The following LARP4 variants were observed in gnomAD, a reference collection of about 807,000 sequenced individuals.
The protein encoded by LARP4 is la-related protein 4.
In LARP4, 29 loss-of-function variants were observed where a neutral mutation model predicts 92.9. The ratio of observed to expected loss-of-function variants is 0.31; its 90% CI spans 0.23 to 0.43. The LOEUF (loss-of-function observed/expected upper bound fraction) is 0.43, where lower values mean the gene tolerates loss of function less well. Ranked by LOEUF, LARP4 falls within the 20% of genes least tolerant of loss-of-function variation. The pLI is 1.00. For synonymous variants in LARP4, 279 were observed against 284.1 expected, an observed-to-expected ratio of 0.98 and a Z score of 0.18; for missense variants, 732 against 860.0, an observed-to-expected ratio of 0.85 and a Z score of 1.86.
intron 1 of LARP4, among the ~76,000 whole-genome samples, chr12:50,422,388 C>CT (rs1280266665): frequency 3.9e-5 from 6 of 152,142 alleles, no homozygotes; most frequent in Non-Finnish European, 8.8e-5. Flanking sequence ...TTTTTCCACT[C>CT]TATTATGTGA....
chr12:50,472,953 G>A (rs928382053), intron 13 of LARP4, among the ~76,000 whole-genome samples: 1 of 151,852 alleles, frequency 6.6e-6, no homozygotes, highest in Non-Finnish European at 1.5e-5. Context: ...CTCCCAAGTA[G>A]CTGAGATTAC....
At chr12:50,446,451 G>A (rs1416974966) in intron 8 of LARP4, among the ~76,000 whole-genome samples, 1 of 100,618 alleles carries the variant, frequency 9.9e-6, no homozygotes, top group Non-Finnish European at 1.9e-5. Flanking sequence ...TTTTATAGAC[G>A]GAGTCTCGCT....
Position 50,461,182 on chromosome 12 carries a change from A to T in LARP4, c.1169A>T (p.Glu390Val). ...TCTGGTGGTTCAGAACACTCAACAG[A>T]GGGCTCTGTATCCTTGGGGGATGGA... is the stretch of plus-strand genomic sequence containing the variant. ...RSSGGSEHSTEGSVSLGDGQL... is the reference protein window; with the variant it reads ...RSSGGSEHSTVGSVSLGDGQL... Residue 390 changes from glutamate to valine, a missense_variant, in exon 11 of 16, where the codon GAG becomes GTG. Glu to Val is a moderately radical substitution (Grantham distance 121, BLOSUM62 -2). This residue lies in a region of LARP4 where 264 missense variants were observed against 269.5 expected (regional missense o/e 0.98). Coordinates refer to ENST00000398473, the MANE Select transcript of LARP4 (RefSeq NM_052879.5). 6.2e-7 allele frequency: 1 copy of T among 1,614,132 alleles called. No homozygotes were observed. Among genetic ancestry groups the T allele is most frequent in the Non-Finnish European group, 8.5e-7 (1 of 1,180,024 alleles).
chr12:50,462,512 G>C, intron 11 of LARP4, 70 bp from the exon 12 acceptor site: 1 of 876,284 alleles, frequency 1.1e-6, no homozygotes, highest in Non-Finnish European at 1.8e-6. Flanking sequence ...TTGATAGAAT[G>C]TATATATCTG....
At chr12:50,453,154 A>G (rs1953570461) in intron 8 of LARP4, among the ~76,000 whole-genome samples, 1 of 147,538 alleles carries the variant, frequency 6.8e-6, no homozygotes, top group Admixed American at 6.9e-5. Context: ...GGCTCATGCG[A>G]TCCTACCCCC....
chr12:50,460,146 A>G (rs951559601), intron 10 of LARP4, among the ~76,000 whole-genome samples: 4 of 152,090 alleles, frequency 2.6e-5, no homozygotes, highest in African/African-American at 7.2e-5. Context: ...CCAAAAAAAA[A>G]AAAAAGAAGA....
rs554851453 is a variant in LARP4, at chr12:50,461,436, G to A, written c.1334+89G>A. On this transcript the variant is annotated intron_variant, in intron 11 of 15. Coordinates refer to ENST00000398473, the MANE Select transcript of LARP4 (RefSeq NM_052879.5). ...CATGATCTTCATAATAATTAAATGAGCATTTAATTATTGGTATATGGTTAT... is the reference window on the plus strand; with the variant it reads ...CATGATCTTCATAATAATTAAATGAACATTTAATTATTGGTATATGGTTAT... 2.2e-5 allele frequency: 26 copies of A among 1,180,652 alleles called. No homozygotes were observed. The African/African-American group carries it at 2.9e-4, about 13-fold the overall frequency. 73.1% of individuals were successfully genotyped at this position (1,180,652 alleles called of 1,614,324 possible).
intron 1 of LARP4, among the ~76,000 whole-genome samples, chr12:50,406,362 G>T (rs1565925026): frequency 6.6e-6 from 1 of 150,392 alleles, no homozygotes; most frequent in Non-Finnish European, 1.5e-5. Flanking sequence ...GGTGGCATGT[G>T]TTGTGGTCCC....
intron 1 of LARP4, among the ~76,000 whole-genome samples, chr12:50,422,781 A>ATAT (rs145036648): frequency 0.092 from 12,800 of 138,468 alleles, 597 homozygotes; most frequent in Non-Finnish European, 0.12. Context: ...TTGGGAAATT[A>ATAT]TATTATTATT....
At chr12:50,475,491 T>C (rs770147467) in intron 15 of LARP4, 35 bp from the exon 16 acceptor site, 1 of 1,462,434 alleles carries the variant, frequency 6.8e-7, no homozygotes. Context: ...AAAGAATGTG[T>C]ACCATAAATG....
At position 50,412,279 on chromosome 12, in the gene LARP4, T is replaced by TC. The variant is rs557606405; in HGVS notation, c.18+11258dup. 7.4e-5 allele frequency: 13 copies of TC among 176,546 alleles called. No individual in the cohort carries two copies. The East Asian group carries it at 1.7e-3, about 23-fold the overall frequency. 10.9% of individuals were successfully genotyped at this position (176,546 alleles called of 1,614,324 possible). A position where few individuals can be genotyped will look rare whatever the true frequency, so the allele number is the denominator to read the frequency against. ...GGAAGAAATGACAGGTGTTTTTTTT[T>TC]CCCCCCCTAAGTACTTGTAACTTAG... On this transcript the variant is annotated intron_variant, in intron 1 of 15. Transcript: ENST00000398473.
At chr12:50,440,070 T>G (rs2137587102) in intron 6 of LARP4, among the ~76,000 whole-genome samples, 1 of 152,330 alleles carries the variant, frequency 6.6e-6, no homozygotes, top group East Asian at 1.9e-4. Context: ...CACTAAGCAT[T>G]TAGCTTGCCA....
At chr12:50,428,906 T>C (rs1949218354) in intron 2 of LARP4, 29 bp from the exon 3 acceptor site, 1 of 1,516,340 alleles carries the variant, frequency 6.6e-7, no homozygotes. Context: ...ATAATTCCCA[T>C]TTACTTTCAG....
chr12:50,418,763 G>T (rs1947263013), intron 1 of LARP4, among the ~76,000 whole-genome samples: 1 of 152,132 alleles, frequency 6.6e-6, no homozygotes, highest in African/African-American at 2.4e-5. Flanking sequence ...TTGTCATCCA[G>T]ACTGTAGTAC....
Position 50,435,611 on chromosome 12 carries a change from T to G in LARP4, c.522T>G (p.Leu174=), listed in dbSNP as rs747756364. The G allele has an allele frequency of 2.6e-5, 42 of 1,599,890 alleles. No homozygotes were observed. The highest frequency in any genetic ancestry group is 3.5e-5 in the Non-Finnish European group (41 of 1,172,358). The change falls in exon 5 of 16, where the codon CTT becomes CTG. Residue 174 remains leucine, a synonymous_variant. Transcript: ENST00000398473. The stretch of plus-strand genomic sequence containing the variant: ...TGACTACAGACCCTGATCTAATTCT[T>G]GAAGTGTTAAGATGTATGTAAAAAT... ...KKLTTDPDLI[L]EVLRSSPMVQ... is the part of the protein sequence containing the mutation.
rs1456050994 is a variant in LARP4, at chr12:50,476,454, C to CT, written c.*591dup. The stretch of plus-strand genomic sequence containing the variant: ...GTCATGTTAGTAAATGATTTGAAAA[C>CT]TGAATGTAATACTTGAGTAGATTTT... On this transcript the variant is annotated 3_prime_UTR_variant, in exon 16 of 16. Transcript: ENST00000398473. 6.6e-6 allele frequency: 1 copy of CT among 152,480 alleles called. No homozygotes were observed. Among genetic ancestry groups the CT allele is most frequent in the Non-Finnish European group, 1.5e-5 (1 of 68,024 alleles). The allele number at this position is 152,480 out of a possible 1,614,324, so 9.4% of individuals were successfully genotyped here.
chr12:50,405,324 G>T (rs7314198), intron 1 of LARP4, among the ~76,000 whole-genome samples: 147,563 of 152,308 alleles, frequency 0.97, 71,670 homozygotes, highest in East Asian at 1. Context: ...ACAACAAATT[G>T]TTTGTAAGTT....
chr12:50,449,785 TAA>T (rs1022097915), intron 8 of LARP4, among the ~76,000 whole-genome samples: 1 of 152,190 alleles, frequency 6.6e-6, no homozygotes, highest in African/African-American at 2.4e-5. Flanking sequence ...TACCAGTTTT[TAA>T]AAGTGTTGAT....
chr12:50,453,658 T>C lies in LARP4; in HGVS notation c.1003T>C (p.Phe335Leu). 1 of 1,593,668 alleles carries C rather than the reference T, an allele frequency of 6.3e-7. No homozygotes were observed. The highest frequency in any genetic ancestry group is 8.6e-7 in the Non-Finnish European group (1 of 1,163,240). The change falls in exon 9 of 16, where the codon TTT becomes CTT. Residue 335 changes from phenylalanine to leucine, a missense_variant. Coordinates refer to ENST00000398473, the MANE Select transcript of LARP4 (RefSeq NM_052879.5). Reference protein sequence around the residue: ...QSWSPNPTPYFETPLAPFPNG... With the variant: ...QSWSPNPTPYLETPLAPFPNG... ...TTGGTCTCCAAATCCTACACCTTACTTTGAAACACCACTGGTAAGTGAGAT... is the reference window on the plus strand; with the variant it reads ...TTGGTCTCCAAATCCTACACCTTACCTTGAAACACCACTGGTAAGTGAGAT...
Sources: allele counts gnomAD v4.1 joint callset (sites outside exome capture counted in the v4.1 genomes callset), GRCh38; gene constraint gnomAD v4.1.1; regional missense constraint gnomAD v4.1.1; transcripts MANE v1.5; gene names NCBI Gene and HGNC (gene_info 2026-07-23, HGNC 2026-07-21).